Variants in KLRF2 observed in about 807,000 individuals in gnomAD.
The protein encoded by KLRF2 is killer cell lectin like receptor F2.
In KLRF2, 28 loss-of-function variants were observed where a neutral mutation model predicts 25.3. That is an observed-to-expected ratio of 1.11 (90% CI 0.82 to 1.52). The LOEUF (loss-of-function observed/expected upper bound fraction) is 1.52, where lower values mean the gene tolerates loss of function less well. Ranked by LOEUF, KLRF2 falls within the 40% of genes most tolerant of loss-of-function variation. The probability of loss-of-function intolerance (pLI) is 0.00; values close to 1 mark genes in which losing one functional copy is unlikely to be tolerated. For synonymous variants in KLRF2, 73 were observed against 85.0 expected (o/e 0.86, Z 0.78); for missense variants, 265 against 245.8 (o/e 1.08, Z -0.52).
chr12:9,893,405 A>C, intron 4 of KLRF2, 24 bp from the exon 5 acceptor site: 1 of 1,109,864 alleles, frequency 9.0e-7, no homozygotes, highest in Non-Finnish European at 1.3e-6. Context: ...AAATGAATGA[A>C]TAAATGCACT....
intron 1 of KLRF2, among the ~76,000 whole-genome samples, chr12:9,884,646 A>G (rs912697401): frequency 6.7e-6 from 1 of 149,210 alleles, no homozygotes; most frequent in Non-Finnish European, 1.5e-5. Flanking sequence ...TATCATATAT[A>G]ATATGTATTT....
intron 1 of KLRF2, among the ~76,000 whole-genome samples, chr12:9,881,976 A>T (rs1264904951): frequency 3.3e-5 from 5 of 152,086 alleles, no homozygotes; most frequent in Non-Finnish European, 7.4e-5. Context: ...TACAAAACTT[A>T]AAGTTTATAT....
In KLRF2 at chr12:9,884,949, C is replaced by T. The variant is rs761074441; in HGVS notation, c.86C>T (p.Pro29Leu). The T allele has an allele frequency of 1.4e-5, 17 of 1,247,988 alleles. No individual in the cohort carries two copies. Among genetic ancestry groups the T allele is most frequent in the Middle Eastern group, 4.0e-4 (2 of 5,032 alleles). 77.3% of individuals were successfully genotyped at this position (1,247,988 alleles called of 1,614,324 possible). ...KQKSKDFSLYPQYYCLLLIFG... is the reference protein window; with the variant it reads ...KQKSKDFSLYLQYYCLLLIFG... ...AACATTTCAGATTTCTCCCTATATC[C>T]ACAATATTATTGTCTTCTGCTCATA... is the stretch of plus-strand genomic sequence containing the variant. The change falls in exon 2 of 6, where the codon CCA becomes CTA. Residue 29 changes from proline (P) to leucine (L), a missense_variant. Pro to Leu is a moderately conservative substitution (Grantham distance 98, BLOSUM62 -3). Transcript: ENST00000535540.
At chr12:9,888,816 G>C (rs1264332391) in intron 3 of KLRF2, 36 bp downstream of exon 3, 1 of 1,337,214 alleles carries the variant, frequency 7.5e-7, no homozygotes, top group Admixed American at 2.0e-5. Context: ...GCTACTCTTA[G>C]GGGTAAATTT....
At chr12:9,893,376 C>A (rs1862709496) in intron 4 of KLRF2, 53 bp from the exon 5 acceptor site, 1 of 909,764 alleles carries the variant, frequency 1.1e-6, no homozygotes, top group Non-Finnish European at 1.7e-6. Flanking sequence ...CTATAGAAGG[C>A]ATCAAAATTT....
In KLRF2 at chr12:9,888,789, C is replaced by T. The variant is rs1447709301; in HGVS notation, c.217+9C>T. ...CGTCAGCAGTCTATCAGGTAATACT[C>T]TTTTTGTTTGTTATGTGCTACTCTT... On this transcript the variant is annotated intron_variant, in intron 3 of 5. Transcript: ENST00000535540. 1 of 1,484,320 alleles carries T rather than the reference C, an allele frequency of 6.7e-7. No individual in the cohort carries two copies. The highest frequency in any genetic ancestry group is 1.2e-5 in the South Asian group (1 of 82,602). 91.9% of individuals were successfully genotyped at this position (1,484,320 alleles called of 1,614,324 possible).
At chr12:9,888,096 G>GAAA (rs111917558) in intron 2 of KLRF2, among the ~76,000 whole-genome samples, 1,693 of 101,242 alleles carry the variant, frequency 0.017, 37 homozygotes, top group African/African-American at 0.06. Context: ...TAATAAAAAT[G>GAAA]AAAAAAAAAA....
chr12:9,890,846 C>A (rs1445115308), intron 3 of KLRF2, among the ~76,000 whole-genome samples: 1 of 152,158 alleles, frequency 6.6e-6, no homozygotes, highest in South Asian at 2.1e-4. Flanking sequence ...GAGGCTGGAC[C>A]TATGGGGTCA....
Position 9,893,004 on chromosome 12 carries a change from C to T in KLRF2, c.218-16C>T, listed in dbSNP as rs990177156. 1 of 1,521,814 alleles carries T rather than the reference C, an allele frequency of 6.6e-7. No homozygotes were observed. Among genetic ancestry groups the T allele is most frequent in the Non-Finnish European group, 8.8e-7 (1 of 1,136,524 alleles). 94.3% of individuals were successfully genotyped at this position (1,521,814 alleles called of 1,614,324 possible). A position where few individuals can be genotyped will look rare whatever the true frequency, so the allele number is the denominator to read the frequency against. On this transcript the variant is annotated splice_polypyrimidine_tract_variant and intron_variant, in intron 3 of 5. Coordinates refer to ENST00000535540, the MANE Select transcript of KLRF2 (RefSeq NM_001190765.1). ...GCTGTAAAGTTTAATTAATTTTCCC[C>T]TATGTTTTCCTTTAGGACACAATTA...
chr12:9,882,552 C>A (rs999041556), intron 1 of KLRF2, among the ~76,000 whole-genome samples: 1 of 151,966 alleles, frequency 6.6e-6, no homozygotes, highest in Admixed American at 6.6e-5. Context: ...CAGAGGTGGG[C>A]GGGTCACCTG....
At chr12:9,890,232 T>C (rs1219456930) in intron 3 of KLRF2, among the ~76,000 whole-genome samples, 4 of 152,198 alleles carry the variant, frequency 2.6e-5, no homozygotes, top group Non-Finnish European at 5.9e-5. Flanking sequence ...TTGTTTTTGA[T>C]TGATATATAA....
At chr12:9,892,580 C>CTTTTTT (rs66824753) in intron 3 of KLRF2, among the ~76,000 whole-genome samples, 2 of 104,836 alleles carry the variant, frequency 1.9e-5, no homozygotes, top group African/African-American at 3.8e-5. Context: ...TACAGAACTG[C>CTTTTTT]TTTTTTTTTT....
At chr12:9,893,939 C>G (rs887973927) in intron 5 of KLRF2, among the ~76,000 whole-genome samples, 1 of 152,090 alleles carries the variant, frequency 6.6e-6, no homozygotes, top group Non-Finnish European at 1.5e-5. Context: ...GTAGAAAGGT[C>G]TGGAGTTGAA....
At chr12:9,887,332 G>A (rs532437511) in intron 2 of KLRF2, among the ~76,000 whole-genome samples, 1 of 152,224 alleles carries the variant, frequency 6.6e-6, no homozygotes, top group South Asian at 2.1e-4. Context: ...AACACCATGA[G>A]TAAAAATATA....
chr12:9,894,359 G>A lies in KLRF2; in HGVS notation c.479+818G>A, dbSNP rs112272177. 9.6e-3 allele frequency among the ~76,000 whole-genome samples: 1,453 copies of A among 151,630 alleles called. 19 individuals are homozygous for A. The highest frequency in any genetic ancestry group is 0.034 in the African/African-American group (1,398 of 41,344). Reference sequence around the variant, plus strand: ...ATCACACCTGGCTAATTTTTTGTATGCTTTGTAGAGACGGGGTTTTGCCAT... The same window carrying A: ...ATCACACCTGGCTAATTTTTTGTATACTTTGTAGAGACGGGGTTTTGCCAT... On this transcript the variant is annotated intron_variant, in intron 5 of 5. Coordinates refer to ENST00000535540, the MANE Select transcript of KLRF2 (RefSeq NM_001190765.1).
Position 9,892,578 on chromosome 12 carries a change from T to G in KLRF2, c.218-442T>G, listed in dbSNP as rs182494146. 2.4e-3 allele frequency among the ~76,000 whole-genome samples: 315 copies of G among 133,296 alleles called. 3 individuals carry two copies. The highest frequency in any genetic ancestry group is 8.1e-3 in the African/African-American group (293 of 36,198). 87.4% of individuals were successfully genotyped at this position (133,296 alleles called of 152,430 possible). A position where few individuals can be genotyped will look rare whatever the true frequency, so the allele number is the denominator to read the frequency against. Reference sequence around the variant, plus strand: ...GTAAATTATTCTCATTTTACAGAACTGCTTTTTTTTTTTTTTTTTTTTTGA... The same window carrying G: ...GTAAATTATTCTCATTTTACAGAACGGCTTTTTTTTTTTTTTTTTTTTTGA... On this transcript the variant is annotated intron_variant, in intron 3 of 5. Transcript: ENST00000535540.
intron 2 of KLRF2, among the ~76,000 whole-genome samples, chr12:9,885,343 A>G (rs1868137847): frequency 6.6e-6 from 1 of 151,518 alleles, no homozygotes; most frequent in Non-Finnish European, 1.5e-5. Context: ...GTATATATAT[A>G]TATATATTAA....
chr12:9,893,037 C>A lies in KLRF2; in HGVS notation c.235C>A (p.Pro79Thr). 1.3e-6 allele frequency: 2 copies of A among 1,535,352 alleles called. No homozygotes were observed. Among genetic ancestry groups the A allele is most frequent in the Non-Finnish European group, 1.7e-6 (2 of 1,146,420 alleles). Residue 79 changes from proline (P) to threonine (T), a missense_variant, in exon 4 of 6, where the codon CCA becomes ACA. Transcript: ENST00000535540. The stretch of plus-strand genomic sequence containing the variant: ...TCCTTTAGGACACAATTACTTGTGC[C>A]CAAATGACTGGCTGTTGAACGAAGG... ...SSLSGHNYLC[P>T]NDWLLNEGKC...
At chr12:9,887,157 A>G (rs1388805362) in intron 2 of KLRF2, among the ~76,000 whole-genome samples, 1 of 152,184 alleles carries the variant, frequency 6.6e-6, no homozygotes, top group African/African-American at 2.4e-5. Flanking sequence ...ATAATGAAAA[A>G]AGTAATATAA....
Sources: gnomAD v4.1 joint callset for allele counts (sites outside exome capture counted in the v4.1 genomes callset) on GRCh38, gnomAD v4.1.1 for gene constraint, MANE v1.5 for transcripts, NCBI Gene and HGNC (gene_info 2026-07-23, HGNC 2026-07-21) for gene names.